Variants in SIMC1 observed in about 807,000 individuals in gnomAD.
SIMC1 encodes SUMO interacting motifs containing 1, also known as SUMO-interacting motif-containing protein 1.
A neutral mutation model predicts 82.3 loss-of-function variants in SIMC1; 55 were observed. That is an observed-to-expected ratio of 0.67 (90% CI 0.54 to 0.84). SIMC1 has a LOEUF of 0.84. Among genes scored for constraint, SIMC1 ranks in the 40% least tolerant of loss-of-function variants. The pLI is 0.00. For missense variants in SIMC1, 915 were observed against 1,107.2 expected, an observed-to-expected ratio of 0.83 and a Z score of 2.46; for synonymous variants, 353 against 426.3, an observed-to-expected ratio of 0.83 and a Z score of 2.12.
intron 4 of SIMC1, among the ~76,000 whole-genome samples, chr5:176,302,050 C>A (rs538935859): frequency 6.6e-6 from 1 of 152,088 alleles, no homozygotes; most frequent in Non-Finnish European, 1.5e-5. Context: ...ACTTATGATA[C>A]CTAATACAAT....
chr5:176,282,584 C>A (rs571416475), intron 1 of SIMC1, among the ~76,000 whole-genome samples: 1 of 152,168 alleles, frequency 6.6e-6, no homozygotes, highest in Non-Finnish European at 1.5e-5. Context: ...GCTCCTCCCC[C>A]CGAAAAGCTG....
intron 2 of SIMC1, among the ~76,000 whole-genome samples, chr5:176,292,548 CT>C (rs1160738908): frequency 2.7e-5 from 4 of 149,910 alleles, no homozygotes; most frequent in African/African-American, 4.9e-5. Flanking sequence ...CTAGCTCATT[CT>C]TTTTTTTTTG....
At chr5:176,305,971 C>T (rs1186387627) in intron 4 of SIMC1, among the ~76,000 whole-genome samples, 74 of 70,600 alleles carry the variant, frequency 1.0e-3, no homozygotes, top group African/African-American at 1.7e-4. Flanking sequence ...CCGCCCCATC[C>T]GGGAGGGAGG....
chr5:176,304,142 G>A (rs1764166940), intron 4 of SIMC1, among the ~76,000 whole-genome samples: 1 of 152,072 alleles, frequency 6.6e-6, no homozygotes, highest in South Asian at 2.1e-4. Flanking sequence ...GGCAGCTTAT[G>A]GGATGGGAGA....
chr5:176,306,051 C>T lies in SIMC1; in HGVS notation c.1735-7640C>T, dbSNP rs1233795541. Among the ~76,000 whole-genome samples, 7 of 78,040 alleles carry T rather than the reference C, an allele frequency of 9.0e-5. 1 individual carries two copies. Among genetic ancestry groups the T allele is most frequent in the Admixed American group, 3.2e-4 (3 of 9,290 alleles). The allele number at this position is 78,040 out of a possible 152,430, so 51.2% of individuals were successfully genotyped here. On this transcript the variant is annotated intron_variant, in intron 4 of 9. Coordinates refer to ENST00000429602, the MANE Select transcript of SIMC1 (RefSeq NM_001308195.2). ...GGAGGTTGGGGGGGGTCAGCCCCCC[C>T]GCCCGGCCAGCCGCTCCGTCCGGGA...
chr5:176,341,881 A>G (rs907075805), intron 9 of SIMC1, among the ~76,000 whole-genome samples: 1 of 152,204 alleles, frequency 6.6e-6, no homozygotes, highest in African/African-American at 2.4e-5. Context: ...TCAATGCTAA[A>G]TGTCCTCATA....
chr5:176,338,176 G>A (rs567616763), intron 9 of SIMC1, among the ~76,000 whole-genome samples: 1 of 152,134 alleles, frequency 6.6e-6, no homozygotes, highest in African/African-American at 2.4e-5. Context: ...ACCAGATTGA[G>A]TGACCTTTTA....
intron 4 of SIMC1, 99 bp from the exon 5 acceptor site, chr5:176,313,592 C>T: frequency 6.4e-7 from 1 of 1,563,848 alleles, no homozygotes; most frequent in Non-Finnish European, 8.7e-7. Flanking sequence ...CTTGTTGATG[C>T]ATGGCCTTCT....
At chr5:176,272,505 A>G (rs1331398902) in intron 1 of SIMC1, among the ~76,000 whole-genome samples, 2 of 152,192 alleles carry the variant, frequency 1.3e-5, no homozygotes, top group African/African-American at 4.8e-5. Flanking sequence ...TCCAGTCTAC[A>G]GCTCCCAGGG....
intron 1 of SIMC1, among the ~76,000 whole-genome samples, chr5:176,276,379 C>G (rs1274720543): frequency 6.6e-6 from 1 of 151,044 alleles, no homozygotes. Context: ...CTTTATTAGT[C>G]TTGCTAGCGG....
At chr5:176,325,706 ATTAC>A (rs759368849) in intron 7 of SIMC1, among the ~76,000 whole-genome samples, 18 of 152,006 alleles carry the variant, frequency 1.2e-4, no homozygotes, top group African/African-American at 2.9e-4. Flanking sequence ...TAATAAATTA[ATTAC>A]TTAATTAATT....
chr5:176,303,754 A>G (rs1216980220), intron 4 of SIMC1, among the ~76,000 whole-genome samples: 1 of 152,256 alleles, frequency 6.6e-6, no homozygotes, highest in Non-Finnish European at 1.5e-5. Context: ...GAGCCCAGAA[A>G]TAAACCTTTG....
chr5:176,317,128 T>G (rs1764947886), intron 5 of SIMC1, among the ~76,000 whole-genome samples: 1 of 152,204 alleles, frequency 6.6e-6, no homozygotes, highest in African/African-American at 2.4e-5. Context: ...TTTGATTCAT[T>G]AAGAAATGGA....
In SIMC1 at chr5:176,308,454, C is replaced by G. The variant is rs948323479; in HGVS notation, c.1735-5237C>G. On this transcript the variant is annotated intron_variant, in intron 4 of 9. Coordinates refer to ENST00000429602, the MANE Select transcript of SIMC1 (RefSeq NM_001308195.2). Reference sequence around the variant, plus strand: ...TTCCCATCCTCATATAACTGTTTGGCCTTCACATGTTGATGTTCGCACCCA... The same window carrying G: ...TTCCCATCCTCATATAACTGTTTGGGCTTCACATGTTGATGTTCGCACCCA... 24 of 1,607,762 alleles carry G rather than the reference C, an allele frequency of 1.5e-5. No homozygotes were observed. The African/African-American group carries it at 3.2e-4, about 22-fold the overall frequency.
intron 4 of SIMC1, chr5:176,308,981 G>A (rs1048169609): frequency 1.1e-4 from 97 of 885,700 alleles, no homozygotes; most frequent in Admixed American, 2.9e-4. Context: ...AGAAAAGGAA[G>A]AGCTTATGCA....
chr5:176,324,106 CAGTT>C (rs1239603335), intron 6 of SIMC1, among the ~76,000 whole-genome samples: 1 of 152,018 alleles, frequency 6.6e-6, no homozygotes, highest in African/African-American at 2.4e-5. Context: ...CTCTCTCCCA[CAGTT>C]AGATCTAATG....
At chr5:176,309,912 G>A (rs1189339643) in intron 4 of SIMC1, among the ~76,000 whole-genome samples, 1 of 152,096 alleles carries the variant, frequency 6.6e-6, no homozygotes, top group East Asian at 1.9e-4. Context: ...TCCAACCTGT[G>A]TAACAGAGTG....
intron 4 of SIMC1, 167 bp from the exon 5 acceptor site, chr5:176,313,524 C>T: frequency 2.6e-6 from 4 of 1,551,732 alleles, no homozygotes; most frequent in Non-Finnish European, 3.5e-6. Context: ...TGTCCTCTCT[C>T]ATAATGACCC....
intron 1 of SIMC1, among the ~76,000 whole-genome samples, chr5:176,287,564 G>A (rs573087260): frequency 8.6e-5 from 13 of 151,888 alleles, no homozygotes; most frequent in East Asian, 1.9e-4. Flanking sequence ...CACCAACATC[G>A]CACATGTACA....
Sources: gnomAD v4.1 joint callset for allele counts (sites outside exome capture counted in the v4.1 genomes callset) on GRCh38, gnomAD v4.1.1 for gene constraint, MANE v1.5 for transcripts, NCBI Gene and HGNC (gene_info 2026-07-23, HGNC 2026-07-21) for gene names.